The following UTS2 variants were observed in gnomAD, a reference collection of about 807,000 sequenced individuals.
UTS2 encodes urotensin-2.
A neutral mutation model predicts 12.6 loss-of-function variants in UTS2; 10 were observed. The observed-to-expected ratio is 0.80, with a 90% confidence interval of 0.49 to 1.35. The LOEUF (loss-of-function observed/expected upper bound fraction) is 1.35. UTS2 is among the 40% of genes most tolerant of loss of function. The pLI, the probability that UTS2 is intolerant of heterozygous loss-of-function variation, is 0.00. For missense variants in UTS2, 142 were observed against 143.2 expected (o/e 0.99, Z 0.04); for synonymous variants, 52 against 50.0 (o/e 1.04, Z -0.17).
chr1:7,854,528 A>G (rs200649119), upstream of UTS2, among the ~76,000 whole-genome samples: 6 of 8,372 alleles, frequency 7.2e-4, no homozygotes, highest in African/African-American at 2.6e-3. Context: ...AAAAAAAAAA[A>G]GAAGAAAGAA....
intron 1 of UTS2, among the ~76,000 whole-genome samples, chr1:7,852,251 C>G (rs2097414949): frequency 6.6e-6 from 1 of 152,106 alleles, no homozygotes; most frequent in Non-Finnish European, 1.5e-5. Flanking sequence ...AATCCCCAAG[C>G]ATTAGCTTTC....
At chr1:7,904,795 T>C in the UTS2 span, among the ~76,000 whole-genome samples, 157 of 149,898 alleles carry the variant, frequency 1.0e-3, no homozygotes, top group African/African-American at 3.7e-3. Context: ...ACCCAGCTAA[T>C]TGGAAGACTG....
At chr1:7,890,972 C>CA in the UTS2 span, among the ~76,000 whole-genome samples, 1 of 151,198 alleles carries the variant, frequency 6.6e-6, no homozygotes, top group African/African-American at 2.4e-5. Flanking sequence ...CCTCCACCCC[C>CA]CCCCACAAAA....
the UTS2 span, among the ~76,000 whole-genome samples, chr1:7,888,789 A>G: frequency 6.6e-6 from 1 of 152,332 alleles, no homozygotes; most frequent in East Asian, 1.9e-4. Flanking sequence ...TAGCTGTGGG[A>G]TGGTTGGAGG....
the UTS2 span, among the ~76,000 whole-genome samples, chr1:7,877,764 T>C: frequency 2.0e-5 from 3 of 152,038 alleles, no homozygotes; most frequent in Non-Finnish European, 4.4e-5. Flanking sequence ...TCCCAGCTAC[T>C]CAGGAGGCTG....
the UTS2 span, among the ~76,000 whole-genome samples, chr1:7,864,798 T>G: frequency 5.9e-5 from 9 of 152,182 alleles, no homozygotes; most frequent in South Asian, 2.1e-4. Context: ...TCCGTGTGCT[T>G]CTTCTCCTAC....
At chr1:7,862,975 TATTTATTGTGTTGTG>T in the UTS2 span, among the ~76,000 whole-genome samples, 1 of 128,300 alleles carries the variant, frequency 7.8e-6, no homozygotes, top group East Asian at 2.0e-4. Flanking sequence ...TGACGGCCGT[TATTTATTGTGTTGTG>T]TTGTATTGTA....
chr1:7,875,955 A>AT, the UTS2 span, among the ~76,000 whole-genome samples: 1 of 152,086 alleles, frequency 6.6e-6, no homozygotes, highest in Non-Finnish European at 1.5e-5. Flanking sequence ...AGGTCTGCCC[A>AT]TTCACTACCA....
At chr1:7,851,084 A>C (rs369414632) in intron 1 of UTS2, among the ~76,000 whole-genome samples, 162 bp from the exon 2 acceptor site, 2 of 152,212 alleles carry the variant, frequency 1.3e-5, no homozygotes, top group South Asian at 2.1e-4. Context: ...GAAGAGGTGG[A>C]AATGCTACCA....
intron 2 of UTS2, among the ~76,000 whole-genome samples, chr1:7,849,905 G>A (rs564810537): frequency 2.6e-5 from 4 of 151,762 alleles, no homozygotes; most frequent in East Asian, 1.9e-4. Context: ...CCAGTAGCTC[G>A]TCAAAGATAT....
chr1:7,878,617 T>C, the UTS2 span, among the ~76,000 whole-genome samples: 1 of 152,118 alleles, frequency 6.6e-6, no homozygotes. Context: ...TAGTCACAGC[T>C]ATACAGGAGT....
chr1:7,856,214 T>C (rs1467296421), upstream of UTS2, among the ~76,000 whole-genome samples: 1 of 151,138 alleles, frequency 6.6e-6, no homozygotes, highest in Non-Finnish European at 1.5e-5. Context: ...CACCAGCCTA[T>C]GGGAGTCTCT....
At chr1:7,859,843 T>C in the UTS2 span, among the ~76,000 whole-genome samples, 1 of 151,892 alleles carries the variant, frequency 6.6e-6, no homozygotes, top group Admixed American at 6.6e-5. Context: ...ACAAAAAATA[T>C]GAAAAATTAG....
the UTS2 span, among the ~76,000 whole-genome samples, chr1:7,866,707 TAGA>T: frequency 6.6e-6 from 1 of 152,066 alleles, no homozygotes; most frequent in Non-Finnish European, 1.5e-5. This position sits in a 1 kb window ranked among gnomAD's most constrained non-coding sequence, Gnocchi z 4.5. Context: ...CCACCCAGGA[TAGA>T]AGTTCAGGGG....
upstream of UTS2, among the ~76,000 whole-genome samples, chr1:7,856,382 C>T (rs963338263): frequency 4.6e-5 from 7 of 152,150 alleles, no homozygotes; most frequent in African/African-American, 1.7e-4. Context: ...GTAGTCAGGG[C>T]AAGTGTGATT....
intron 3 of UTS2, among the ~76,000 whole-genome samples, chr1:7,849,004 G>A (rs1050560443): frequency 1.8e-4 from 28 of 152,162 alleles, no homozygotes; most frequent in Non-Finnish European, 3.5e-4. Context: ...AGGTGCTCCC[G>A]GTGCTGCTGG....
the UTS2 span, among the ~76,000 whole-genome samples, chr1:7,881,589 T>C: frequency 2.6e-5 from 4 of 152,036 alleles, no homozygotes; most frequent in Non-Finnish European, 4.4e-5. Flanking sequence ...GTAAAATACC[T>C]CTACAAGGAA....
At chr1:7,893,517 AAAAC>A in the UTS2 span, among the ~76,000 whole-genome samples, 9 of 139,092 alleles carry the variant, frequency 6.5e-5, no homozygotes, top group East Asian at 1.9e-3. Flanking sequence ...ATAAATAAAT[AAAAC>A]AAACCAAACC....
the UTS2 span, among the ~76,000 whole-genome samples, chr1:7,896,727 G>A: frequency 2.2e-3 from 332 of 150,406 alleles, 3 homozygotes; most frequent in East Asian, 9.2e-3. Context: ...ACAGAGTCCC[G>A]CTCTGTCTCC....
Sources: gnomAD v4.1 joint callset for allele counts (sites outside exome capture counted in the v4.1 genomes callset) on GRCh38, gnomAD v4.1.1 for gene constraint, Gnocchi (gnomAD v3.1) non-coding constraint, MANE v1.5 for transcripts, NCBI Gene and HGNC (gene_info 2026-07-23, HGNC 2026-07-21) for gene names.